Variants in ZNF134 observed in about 807,000 individuals in gnomAD.
ZNF134 encodes the protein zinc finger protein 134 (clone pHZ-15).
Under a neutral mutation model 2.5 loss-of-function variants are expected in ZNF134, and 5 were observed. That is an observed-to-expected ratio of 2.03 (90% CI 1.06 to 4.27). The LOEUF is 4.27. Ranked by LOEUF, ZNF134 falls within the 30% of genes most tolerant of loss-of-function variation. ZNF134 has a pLI of 0.00. For synonymous variants in ZNF134, 176 were observed against 176.2 expected (o/e 1.00, Z 0.01); for missense variants, 540 against 517.5 (o/e 1.04, Z -0.42).
chr19:57,621,769 G>A lies in ZNF134; in HGVS notation c.*366G>A. 2 of 355,332 alleles carry A rather than the reference G, an allele frequency of 5.6e-6. No homozygotes were observed. The highest frequency in any genetic ancestry group is 1.1e-5 in the Non-Finnish European group (2 of 184,232). 22.0% of individuals were successfully genotyped at this position (355,332 alleles called of 1,614,324 possible). A position where few individuals can be genotyped will look rare whatever the true frequency, so the allele number is the denominator to read the frequency against. On this transcript the variant is annotated 3_prime_UTR_variant, in exon 3 of 3. Coordinates refer to ENST00000396161, the MANE Select transcript of ZNF134 (RefSeq NM_003435.5). ...CAAGAGGGTCTGAGCTGTATCTGCT[G>A]GTGGCTTATACAAAAAGTTTACTTT...
Position 57,621,316 on chromosome 19 carries a change from A to G in ZNF134, c.1197A>G (p.Pro399=), listed in dbSNP as rs1981212640. The G allele has an allele frequency of 6.2e-7, 1 of 1,613,862 alleles. No individual in the cohort carries two copies. The highest frequency in any genetic ancestry group is 1.3e-5 in the African/African-American group (1 of 74,840). The change falls in exon 3 of 3, where the codon CCA becomes CCG. Residue 399 remains proline (P), a synonymous_variant. Transcript: ENST00000396161. The stretch of plus-strand genomic sequence containing the variant: ...AAAGAGTTCACACTGGAGAAAGGCC[A>G]TATGAGTGCAGTGAATGTGGGAAGG... ...RHQRVHTGER[P]YECSECGKAY...
chr19:57,621,109 C>A lies in ZNF134; in HGVS notation c.990C>A (p.Thr330=). The A allele has an allele frequency of 6.2e-7, 1 of 1,614,160 alleles. No individual in the cohort carries two copies. ...GGAAATCCTTTGGCCACAAATACAC[C>A]CTCATTAAACATCAGCGAATTCACA... The part of the protein sequence containing the change: ...DCGKSFGHKY[T]LIKHQRIHTE... Residue 330 remains threonine (T), a synonymous_variant, in exon 3 of 3, where the codon ACC becomes ACA. Transcript: ENST00000396161.
At position 57,620,978 on chromosome 19, in the gene ZNF134, C is replaced by T; in HGVS notation, c.859C>T (p.Pro287Ser). ...CCAGAGAGTTCACAATGGAGCAAGGCCTTATAAGTGCAGTGATTGTGGGAA... is the reference window on the plus strand; with the variant it reads ...CCAGAGAGTTCACAATGGAGCAAGGTCTTATAAGTGCAGTGATTGTGGGAA... ...VHQRVHNGARPYKCSDCGKVF... is the reference protein window; with the variant it reads ...VHQRVHNGARSYKCSDCGKVF... Residue 287 changes from proline to serine, a missense_variant, in exon 3 of 3, where the codon CCT becomes TCT. Pro to Ser is a moderately conservative substitution (Grantham distance 74). Transcript: ENST00000396161. 9 of 1,614,164 alleles carry T rather than the reference C, an allele frequency of 5.6e-6. No homozygotes were observed. The highest frequency in any genetic ancestry group is 1.7e-5 in the Admixed American group (1 of 60,028).
At position 57,623,955 on chromosome 19, in the gene ZNF134, A is replaced by G. The variant is rs1268024623; in HGVS notation, c.*2552A>G. 1 of 152,230 alleles carries G rather than the reference A, an allele frequency of 6.6e-6. No homozygotes were observed. The highest frequency in any genetic ancestry group is 2.4e-5 in the African/African-American group (1 of 41,452). The allele number at this position is 152,230 out of a possible 1,614,324, so 9.4% of individuals were successfully genotyped here. Reference sequence around the variant, plus strand: ...TTGAAAGTATGAAGTTAAAGGGTGTAGGCATGTAAAGTGTGAAGTTAAAGG... The same window carrying G: ...TTGAAAGTATGAAGTTAAAGGGTGTGGGCATGTAAAGTGTGAAGTTAAAGG... On this transcript the variant is annotated 3_prime_UTR_variant, in exon 3 of 3. Coordinates refer to ENST00000396161, the MANE Select transcript of ZNF134 (RefSeq NM_003435.5).
In ZNF134 at chr19:57,620,687, A is replaced by C. The variant is rs373601204; in HGVS notation, c.568A>C (p.Thr190Pro). ...TGGGAAAGCTTTCAGCCGCAAAGAC[A>C]CACTTGTCCAGCACCAGAGAATTCA... ...ECGKAFSRKD[T>P]LVQHQRIHSG... The change falls in exon 3 of 3, where the codon ACA becomes CCA. Residue 190 changes from threonine to proline, a missense_variant. By Grantham distance (38) the Thr-to-Pro change is conservative. Coordinates refer to ENST00000396161, the MANE Select transcript of ZNF134 (RefSeq NM_003435.5). 6.2e-7 allele frequency: 1 copy of C among 1,614,018 alleles called. No individual in the cohort carries two copies. Among genetic ancestry groups the C allele is most frequent in the Non-Finnish European group, 8.5e-7 (1 of 1,180,026 alleles).
intron 1 of ZNF134, 66 bp from the exon 2 acceptor site, chr19:57,619,346 G>A (rs573503545): frequency 1.6e-6 from 2 of 1,258,810 alleles, no homozygotes; most frequent in Non-Finnish European, 1.1e-6. Context: ...AATTTTGCAT[G>A]GGTGGGCTAC....
rs777415163 is a variant in ZNF134, at chr19:57,620,145, T to G, written c.41-15T>G. ...AAAGTCAGCATGTACATCAATAGTATTTTTCTGCCTTCAGGTTGTTGGCAT... is the reference window on the plus strand; with the variant it reads ...AAAGTCAGCATGTACATCAATAGTAGTTTTCTGCCTTCAGGTTGTTGGCAT... On this transcript the variant is annotated splice_polypyrimidine_tract_variant and intron_variant, in intron 2 of 2. Coordinates refer to ENST00000396161, the MANE Select transcript of ZNF134 (RefSeq NM_003435.5). The G allele has an allele frequency of 6.2e-7, 1 of 1,604,210 alleles. No individual in the cohort carries two copies.
In ZNF134 at chr19:57,620,873, A is replaced by C; in HGVS notation, c.754A>C (p.Arg252=). ...AAAAGACAACCTTACTCAGCACAAG[A>C]GAATCCACACTGGAGAAATGCCTTA... is the stretch of plus-strand genomic sequence containing the variant. The part of the protein sequence containing the change: ...SRKDNLTQHK[R]IHTGEMPYKC... Residue 252 remains arginine, a synonymous_variant, in exon 3 of 3, where the codon AGA becomes CGA. Coordinates refer to ENST00000396161, the MANE Select transcript of ZNF134 (RefSeq NM_003435.5). 1 of 1,614,226 alleles carries C rather than the reference A, an allele frequency of 6.2e-7. No homozygotes were observed. Among genetic ancestry groups the C allele is most frequent in the South Asian group, 1.1e-5 (1 of 91,092 alleles).
chr19:57,623,235 T>C lies in ZNF134; in HGVS notation c.*1832T>C, dbSNP rs1263999937. The C allele has an allele frequency of 6.6e-6, 1 of 152,216 alleles. No homozygotes were observed. The highest frequency in any genetic ancestry group is 1.5e-5 in the Non-Finnish European group (1 of 68,032). 9.4% of individuals were successfully genotyped at this position (152,216 alleles called of 1,614,324 possible). On this transcript the variant is annotated 3_prime_UTR_variant, in exon 3 of 3. Transcript: ENST00000396161. ...ATTTGAAATTTGTCCATGGTATGTA[T>C]GAACAGTCCATTTTAAAATTACTGA... is the stretch of plus-strand genomic sequence containing the variant.
At chr19:57,618,655 A>G (rs748651718) in intron 1 of ZNF134, 8 of 152,152 alleles carry the variant, frequency 5.3e-5, no homozygotes, top group Non-Finnish European at 1.0e-4. Context: ...ACAGGCACCA[A>G]TCACACCAGG....
intron 2 of ZNF134, 57 bp from the exon 3 acceptor site, chr19:57,620,103 T>C: frequency 6.4e-7 from 1 of 1,565,992 alleles, no homozygotes; most frequent in Non-Finnish European, 8.7e-7. Flanking sequence ...ATTTGTGATG[T>C]AGTTGCCCCA....
In ZNF134 at chr19:57,621,716, A is replaced by G; in HGVS notation, c.*313A>G. ...CCTCATTCCCTTCTGTATGACAGGT[A>G]TAGGTATGGATATGACCCATTTTTA... On this transcript the variant is annotated 3_prime_UTR_variant, in exon 3 of 3. Coordinates refer to ENST00000396161, the MANE Select transcript of ZNF134 (RefSeq NM_003435.5). 2 of 460,702 alleles carry G rather than the reference A, an allele frequency of 4.3e-6. No homozygotes were observed. Among genetic ancestry groups the G allele is most frequent in the East Asian group, 4.6e-5 (1 of 21,630 alleles). 28.5% of individuals were successfully genotyped at this position (460,702 alleles called of 1,614,324 possible).
At position 57,621,210 on chromosome 19, in the gene ZNF134, G is replaced by A. The variant is rs932105169; in HGVS notation, c.1091G>A (p.Arg364Lys). The A allele has an allele frequency of 6.2e-7, 1 of 1,614,202 alleles. No homozygotes were observed. The highest frequency in any genetic ancestry group is 8.5e-7 in the Non-Finnish European group (1 of 1,180,034). The stretch of plus-strand genomic sequence containing the variant: ...AGTTCTGACTATATTGCACACCAGA[G>A]GGTTCACACTGGTGAAAGGCCTTTT... ...SRSSDYIAHQRVHTGERPFVC... is the reference protein window; with the variant it reads ...SRSSDYIAHQKVHTGERPFVC... Residue 364 changes from arginine (R) to lysine (K), a missense_variant, in exon 3 of 3, where the codon AGG becomes AAG. Coordinates refer to ENST00000396161, the MANE Select transcript of ZNF134 (RefSeq NM_003435.5).
At position 57,620,733 on chromosome 19, in the gene ZNF134, A is replaced by C. The variant is rs1341393023; in HGVS notation, c.614A>C (p.Glu205Ala). The part of the protein sequence containing the change: ...QRIHSGEKPY[E>A]CSECGKAFSR... ...ATTCATAGTGGAGAGAAGCCTTATG[A>C]GTGCAGCGAATGTGGGAAAGCCTTC... Residue 205 changes from glutamate (E) to alanine (A), a missense_variant, in exon 3 of 3, where the codon GAG becomes GCG. Physicochemically the swap from Glu to Ala is moderately radical, Grantham distance 107. Coordinates refer to ENST00000396161, the MANE Select transcript of ZNF134 (RefSeq NM_003435.5). 1 of 1,611,370 alleles carries C rather than the reference A, an allele frequency of 6.2e-7. No individual in the cohort carries two copies. The highest frequency in any genetic ancestry group is 8.5e-7 in the Non-Finnish European group (1 of 1,177,594).
chr19:57,623,390 C>G lies in ZNF134; in HGVS notation c.*1987C>G, dbSNP rs1441001965. 1 of 152,060 alleles carries G rather than the reference C, an allele frequency of 6.6e-6. No individual in the cohort carries two copies. The highest frequency in any genetic ancestry group is 2.4e-5 in the African/African-American group (1 of 41,378). The allele number at this position is 152,060 out of a possible 1,614,324, so 9.4% of individuals were successfully genotyped here. ...CATGAGTCTTTATGTGGACACTTAG[C>G]TGAGAACATTTTTAAGCAGAGGTTT... is the stretch of plus-strand genomic sequence containing the variant. On this transcript the variant is annotated 3_prime_UTR_variant, in exon 3 of 3. Transcript: ENST00000396161.
chr19:57,615,119 A>C (rs1417661346), intron 1 of ZNF134, among the ~76,000 whole-genome samples: 1 of 152,086 alleles, frequency 6.6e-6, no homozygotes. Context: ...GAACGTGTGA[A>C]AGAATGGAAA....
chr19:57,620,052 C>A, intron 2 of ZNF134, 108 bp from the exon 3 acceptor site: 1 of 1,314,718 alleles, frequency 7.6e-7, no homozygotes, highest in Non-Finnish European at 1.0e-6. Context: ...TCTGTTCCAC[C>A]AGGAAACTTA....
In ZNF134 at chr19:57,621,024, C is replaced by T. The variant is rs1274277066; in HGVS notation, c.905C>T (p.Thr302Ile). The T allele has an allele frequency of 1.2e-6, 2 of 1,614,110 alleles. No individual in the cohort carries two copies. Among genetic ancestry groups the T allele is most frequent in the Non-Finnish European group, 8.5e-7 (1 of 1,180,026 alleles). ...DCGKVFRHKS[T>I]LVQHESIHTG... ...GGGAAAGTCTTCAGACACAAATCTACACTTGTTCAGCATGAGAGTATTCAC... is the reference window on the plus strand; with the variant it reads ...GGGAAAGTCTTCAGACACAAATCTATACTTGTTCAGCATGAGAGTATTCAC... The change falls in exon 3 of 3, where the codon ACA becomes ATA. Residue 302 changes from threonine to isoleucine, a missense_variant. Thr to Ile is a moderately conservative substitution (Grantham distance 89). Transcript: ENST00000396161.
Position 57,623,010 on chromosome 19 carries a change from C to T in ZNF134, c.*1607C>T, listed in dbSNP as rs954316508. The stretch of plus-strand genomic sequence containing the variant: ...ACACACACACACTTGAAACTATCAC[C>T]CTATCAGTGGTATTGGACATATCTG... On this transcript the variant is annotated 3_prime_UTR_variant, in exon 3 of 3. Coordinates refer to ENST00000396161, the MANE Select transcript of ZNF134 (RefSeq NM_003435.5). 3 of 150,982 alleles carry T rather than the reference C, an allele frequency of 2.0e-5. No individual in the cohort carries two copies. Among genetic ancestry groups the T allele is most frequent in the Non-Finnish European group, 4.4e-5 (3 of 67,882 alleles). 9.4% of individuals were successfully genotyped at this position (150,982 alleles called of 1,614,324 possible). A position where few individuals can be genotyped will look rare whatever the true frequency, so the allele number is the denominator to read the frequency against.
Sources: gnomAD v4.1 joint callset for allele counts (sites outside exome capture counted in the v4.1 genomes callset) on GRCh38, gnomAD v4.1.1 for gene constraint, MANE v1.5 for transcripts, NCBI Gene and HGNC (gene_info 2026-07-23, HGNC 2026-07-21) for gene names.